Variants in CCDC93 observed in about 807,000 individuals in gnomAD.
CCDC93 encodes CCC complex scaffolding subunit CCDC93.
Under a neutral mutation model 108.2 loss-of-function variants are expected in CCDC93, and 61 were observed. The observed-to-expected ratio is 0.56, with a 90% confidence interval of 0.46 to 0.70. The LOEUF is 0.70. Ranked by LOEUF, CCDC93 falls within the 30% of genes least tolerant of loss-of-function variation. The pLI, the probability that CCDC93 is intolerant of heterozygous loss-of-function variation, is 0.00. For missense variants in CCDC93, 685 were observed against 764.2 expected (o/e 0.90, Z 1.22); for synonymous variants, 276 against 260.4 (o/e 1.06, Z -0.58).
At chr2:117,993,545 AT>A (rs1680552321) in intron 6 of CCDC93, among the ~76,000 whole-genome samples, 1 of 152,088 alleles carries the variant, frequency 6.6e-6, no homozygotes, top group Non-Finnish European at 1.5e-5. Flanking sequence ...GAAAAAGACA[AT>A]TTCCCCTTCT....
intron 12 of CCDC93, among the ~76,000 whole-genome samples, chr2:117,955,097 G>C (rs1679177572): frequency 6.6e-6 from 1 of 152,116 alleles, no homozygotes. Flanking sequence ...TGTATAATGA[G>C]GATAATAATA....
At chr2:117,923,551 G>A (rs556272385) in intron 23 of CCDC93, among the ~76,000 whole-genome samples, 73 of 152,292 alleles carry the variant, frequency 4.8e-4, no homozygotes, top group African/African-American at 1.5e-3. Flanking sequence ...ACTGCAAGGC[G>A]GCAGTGAGGC....
At chr2:117,969,165 G>C (rs1468068756) in intron 11 of CCDC93, among the ~76,000 whole-genome samples, 1 of 152,184 alleles carries the variant, frequency 6.6e-6, no homozygotes, top group Non-Finnish European at 1.5e-5. Flanking sequence ...CGTTATGTAA[G>C]TCTATAATGC....
At chr2:117,968,650 C>T (rs928429860) in intron 11 of CCDC93, among the ~76,000 whole-genome samples, 1 of 152,198 alleles carries the variant, frequency 6.6e-6, no homozygotes, top group African/African-American at 2.4e-5. Context: ...GAATACTGCA[C>T]ATGTTTTTTA....
intron 5 of CCDC93, 63 bp downstream of exon 5, chr2:117,996,201 A>G (rs1680640719): frequency 9.0e-7 from 1 of 1,108,766 alleles, no homozygotes; most frequent in Non-Finnish European, 1.4e-6. Flanking sequence ...TCCTTGCTAG[A>G]GAGTCTCTTA....
rs190112696 is a variant in CCDC93, at chr2:117,918,891, G to T, written c.*1452C>A. The T allele has an allele frequency of 4.6e-5, 7 of 152,294 alleles. No individual in the cohort carries two copies. In the East Asian group the frequency reaches 1.4e-3, roughly 29 times the overall value. The allele number at this position is 152,294 out of a possible 1,614,324, so 9.4% of individuals were successfully genotyped here. On this transcript the variant is annotated 3_prime_UTR_variant, in exon 24 of 24. Transcript: ENST00000376300. ...CCAGTGGCTGTTTTTAATCCAGCAC[G>T]TGTGTGTGTTTTTAAATCTGTACAC...
chr2:117,995,821 C>A (rs1203614306), intron 5 of CCDC93: 7 of 229,968 alleles, frequency 3.0e-5, no homozygotes, highest in Admixed American at 5.3e-5. Flanking sequence ...GCCTCAGTTT[C>A]TCTGTCTATG....
At chr2:117,993,366 A>G (rs1022153361) in intron 6 of CCDC93, among the ~76,000 whole-genome samples, 1 of 150,884 alleles carries the variant, frequency 6.6e-6, no homozygotes, top group African/African-American at 2.4e-5. Flanking sequence ...ACTGCACTTC[A>G]GCCTGGGAGA....
intron 11 of CCDC93, among the ~76,000 whole-genome samples, chr2:117,970,420 A>G (rs17047604): frequency 0.018 from 2,730 of 152,284 alleles, 72 homozygotes; most frequent in African/African-American, 0.06. Context: ...TACCAGATCC[A>G]TGGAAAAACA....
chr2:117,964,126 T>C (rs1021503048), intron 11 of CCDC93, among the ~76,000 whole-genome samples: 5 of 152,184 alleles, frequency 3.3e-5, no homozygotes, highest in Admixed American at 2.6e-4. Flanking sequence ...TAACTCTGAT[T>C]AAAATTTTAA....
chr2:118,009,574 A>G (rs1676969484), intron 1 of CCDC93, among the ~76,000 whole-genome samples: 1 of 152,194 alleles, frequency 6.6e-6, no homozygotes, highest in Admixed American at 6.5e-5. Context: ...TGGGAGGCTG[A>G]GGCACGAGAA....
chr2:117,984,424 A>G (rs902551742), intron 7 of CCDC93, among the ~76,000 whole-genome samples: 2 of 152,186 alleles, frequency 1.3e-5, no homozygotes, highest in Admixed American at 6.6e-5. Context: ...AACTGCATCA[A>G]TCACTCCTGA....
chr2:117,936,425 TAC>T, intron 21 of CCDC93: 1 of 377,840 alleles, frequency 2.6e-6, no homozygotes, highest in Non-Finnish European at 4.8e-6. Flanking sequence ...TTTGATAACA[TAC>T]AGAGAGATTT....
chr2:117,979,827 G>C (rs1680057030), intron 7 of CCDC93, among the ~76,000 whole-genome samples: 2 of 152,190 alleles, frequency 1.3e-5, no homozygotes, highest in African/African-American at 4.8e-5. Flanking sequence ...TACTGCTGAG[G>C]CTGGAAAAGA....
intron 22 of CCDC93, among the ~76,000 whole-genome samples, chr2:117,932,206 G>A (rs1185025617): frequency 4.6e-5 from 7 of 152,174 alleles, no homozygotes. Flanking sequence ...AAGAGTTACG[G>A]TACAGACCGG....
intron 7 of CCDC93, among the ~76,000 whole-genome samples, chr2:117,979,430 C>A (rs1395768254): frequency 6.6e-6 from 1 of 152,190 alleles, no homozygotes; most frequent in Non-Finnish European, 1.5e-5. Context: ...CTCAGCCTGG[C>A]CTATCCATCC....
chr2:117,920,378 T>G lies in CCDC93; in HGVS notation c.1861A>C (p.Met621Leu), dbSNP rs979000840. The change falls in exon 24 of 24, where the codon ATG becomes CTG. Residue 621 changes from methionine (M) to leucine (L), a missense_variant. Coordinates refer to ENST00000376300, the MANE Select transcript of CCDC93 (RefSeq NM_019044.5). ...TTCGCTTTCACCTTGGACAGCAGCA[T>G]CTCGTTCTTGCGGCCCTCCTGGAGG... Reference protein sequence around the residue: ...EFKEEGRKNEMLLSKVKAKAS With the variant: ...EFKEEGRKNELLLSKVKAKAS 3 of 1,613,226 alleles carry G rather than the reference T, an allele frequency of 1.9e-6. No homozygotes were observed. Among genetic ancestry groups the G allele is most frequent in the African/African-American group, 2.7e-5 (2 of 75,060 alleles).
At chr2:117,923,706 C>A (rs559984115) in intron 23 of CCDC93, among the ~76,000 whole-genome samples, 1 of 58 alleles carries the variant, frequency 0.017, no homozygotes, top group African/African-American at 0.056. Flanking sequence ...CCTCTGGGGG[C>A]AGGCATAGCC....
At chr2:117,996,419 A>G in intron 4 of CCDC93, 57 bp from the exon 5 acceptor site, 1 of 1,193,438 alleles carries the variant, frequency 8.4e-7, no homozygotes, top group Non-Finnish European at 1.3e-6. Context: ...ACTGAAGTGA[A>G]GGCCAGTTCA....
Sources: allele counts gnomAD v4.1 joint callset (sites outside exome capture counted in the v4.1 genomes callset), GRCh38; gene constraint gnomAD v4.1.1; transcripts MANE v1.5; gene names NCBI Gene and HGNC (gene_info 2026-07-23, HGNC 2026-07-21).